The following PTPRS variants were observed in gnomAD, a reference collection of about 807,000 sequenced individuals.
PTPRS encodes protein tyrosine phosphatase receptor type S, also known as receptor-type tyrosine-protein phosphatase S.
Under a neutral mutation model 215.3 loss-of-function variants are expected in PTPRS, and 63 were observed. The observed-to-expected ratio is 0.29, with a 90% CI of 0.24 to 0.36. The LOEUF is 0.36. Among genes scored for constraint, PTPRS ranks in the 10% least tolerant of loss-of-function variants. The pLI, the probability that PTPRS is intolerant of heterozygous loss-of-function variation, is 1.00. For synonymous variants in PTPRS, 1,404 were observed against 1,191.4 expected, an observed-to-expected ratio of 1.18 and a Z score of -3.68; for missense variants, 2,258 against 2,825.8, an observed-to-expected ratio of 0.80 and a Z score of 4.56.
intron 4 of PTPRS, chr19:5,273,034 C>A: frequency 3.8e-6 from 1 of 261,154 alleles, no homozygotes; most frequent in East Asian, 1.0e-4. Flanking sequence ...CAGAAGGAAA[C>A]AAAGCCAAGA....
chr19:5,266,339 G>A (rs187662186), intron 4 of PTPRS, among the ~76,000 whole-genome samples: 91 of 152,106 alleles, frequency 6.0e-4, no homozygotes, highest in African/African-American at 2.1e-3. Context: ...GATTGGTCTC[G>A]ACCTCCTGGG....
At position 5,218,565 on chromosome 19, in the gene PTPRS, G is replaced by A; in HGVS notation, c.3936-33C>T. The A allele has an allele frequency of 2.5e-6, 4 of 1,599,740 alleles. No individual in the cohort carries two copies. The South Asian group carries it at 3.3e-5, about 13-fold the overall frequency. Reference sequence around the variant, plus strand: ...AGAAGCAAGCGGAACAGTCCAGTTAGTAGTGGCACATGTTCATGTGTGAAC... The same window carrying A: ...AGAAGCAAGCGGAACAGTCCAGTTAATAGTGGCACATGTTCATGTGTGAAC... On this transcript the variant is annotated intron_variant, in intron 24 of 37. Coordinates refer to ENST00000262963, the MANE Select transcript of PTPRS (RefSeq NM_002850.4).
At chr19:5,330,746 G>A (rs565556328) in intron 1 of PTPRS, among the ~76,000 whole-genome samples, 1 of 152,326 alleles carries the variant, frequency 6.6e-6, no homozygotes, top group South Asian at 2.1e-4. Context: ...AACCTGGGGC[G>A]TTCAGACCCC....
At chr19:5,220,931 T>C in intron 20 of PTPRS, 69 bp downstream of exon 20, 2 of 1,522,412 alleles carry the variant, frequency 1.3e-6, no homozygotes, top group Non-Finnish European at 1.8e-6. Flanking sequence ...AGAGGGCACG[T>C]GGCTTGCCCC....
chr19:5,211,412 C>G (rs538427330), intron 33 of PTPRS, among the ~76,000 whole-genome samples, 178 bp downstream of exon 33: 2 of 152,156 alleles, frequency 1.3e-5, no homozygotes, highest in Admixed American at 6.5e-5. Context: ...CAGTTAAACA[C>G]ACACCCAAAG....
chr19:5,244,405 T>G lies in PTPRS; in HGVS notation c.1066A>C (p.Asn356His). The change falls in exon 11 of 38, where the codon AAC becomes CAC. Residue 356 changes from asparagine to histidine, a missense_variant. By Grantham distance (68) the Asn-to-His change is moderately conservative. Around this residue, in one of 6 missense-constraint regions of PTPRS, gnomAD observed 508 missense variants for 799.4 expected, o/e 0.64. Transcript: ENST00000262963. This position sits in a 1 kb window ranked among gnomAD's most constrained non-coding sequence, Gnocchi z 7.2. The stretch of plus-strand genomic sequence containing the variant: ...ACGTAATAGGACACAGGATCTGGGT[T>G]GCCCGAGTCCCACGTGATGGTGATG... ...TSITITWDSGNPDPVSYYVIE... is the reference protein window; with the variant it reads ...TSITITWDSGHPDPVSYYVIE... 1 of 1,614,186 alleles carries G rather than the reference T, an allele frequency of 6.2e-7. No homozygotes were observed. Among genetic ancestry groups the G allele is most frequent in the Non-Finnish European group, 8.5e-7 (1 of 1,180,044 alleles).
chr19:5,224,248 C>A (rs1167258617), intron 17 of PTPRS, among the ~76,000 whole-genome samples: 1 of 152,268 alleles, frequency 6.6e-6, no homozygotes, highest in Non-Finnish European at 1.5e-5. Flanking sequence ...AGAGAGGGAA[C>A]CACGAGAAGA....
chr19:5,280,950 C>G (rs1249970823), intron 2 of PTPRS, among the ~76,000 whole-genome samples: 2 of 151,788 alleles, frequency 1.3e-5, no homozygotes, highest in Non-Finnish European at 2.9e-5. Context: ...CACCACAACA[C>G]CCAGCTGATT....
intron 2 of PTPRS, among the ~76,000 whole-genome samples, chr19:5,284,537 C>T (rs1419882250): frequency 6.6e-6 from 1 of 152,076 alleles, no homozygotes; most frequent in East Asian, 1.9e-4. Context: ...GTTGCCCAGG[C>T]TGAGTGCAGC....
chr19:5,270,897 G>A (rs978084544), intron 4 of PTPRS, among the ~76,000 whole-genome samples: 8 of 152,060 alleles, frequency 5.3e-5, no homozygotes, highest in Non-Finnish European at 1.2e-4. Context: ...CACTTGCCTC[G>A]GCCTCCCAAA....
chr19:5,307,045 C>T (rs1341148468), intron 1 of PTPRS, among the ~76,000 whole-genome samples: 7 of 152,210 alleles, frequency 4.6e-5, no homozygotes, highest in African/African-American at 1.7e-4. Context: ...TGGCTCACGC[C>T]TGCAATCCCA....
chr19:5,229,611 C>A lies in PTPRS; in HGVS notation c.2229G>T (p.Ser743=). 2.1e-6 allele frequency: 3 copies of A among 1,417,144 alleles called. No individual in the cohort carries two copies. Among genetic ancestry groups the A allele is most frequent in the South Asian group, 1.5e-5 (1 of 68,442 alleles). 87.8% of individuals were successfully genotyped at this position (1,417,144 alleles called of 1,614,324 possible). The part of the protein sequence containing the change: ...NATAIRVLWR[S]PAPGRQHGQI... ...GGCCGTGCTGCCGGCCGGGCGCGGG[C>A]GAGCGCCACAGCACGCGGATGGCCG... The change falls in exon 15 of 38, where the codon TCG becomes TCT. Residue 743 remains serine, a synonymous_variant. Transcript: ENST00000262963.
At chr19:5,260,567 G>C (rs1215790096) in intron 7 of PTPRS, among the ~76,000 whole-genome samples, 1 of 152,230 alleles carries the variant, frequency 6.6e-6, no homozygotes, top group Admixed American at 6.5e-5. Context: ...CAGAGGGGGA[G>C]AGAGCGCCCC....
At chr19:5,214,320 A>G (rs1262968989) in intron 30 of PTPRS, 41 bp downstream of exon 30, 1 of 1,613,400 alleles carries the variant, frequency 6.2e-7, no homozygotes, top group Non-Finnish European at 8.5e-7. Flanking sequence ...CTTCCAACAC[A>G]TTCCTCCACC....
rs569941252 is a variant in PTPRS at position 5,238,418 on chromosome 19, G to C, written c.1849+501C>G. Among the ~76,000 whole-genome samples, 10 of 152,244 alleles carry C rather than the reference G, an allele frequency of 6.6e-5. 1 individual carries two copies. The highest frequency in any genetic ancestry group is 2.0e-4 in the Admixed American group (3 of 15,294). ...AACTGGGACCTCGTCCTGGGGTCTTGAGAGCCAAGGCTCCCTGCCCGGGGG... is the reference window on the plus strand; with the variant it reads ...AACTGGGACCTCGTCCTGGGGTCTTCAGAGCCAAGGCTCCCTGCCCGGGGG... On this transcript the variant is annotated intron_variant, in intron 13 of 37. Coordinates refer to ENST00000262963, the MANE Select transcript of PTPRS (RefSeq NM_002850.4).
intron 23 of PTPRS, 110 bp from the exon 24 acceptor site, chr19:5,218,908 T>C (rs1381585747): frequency 5.1e-6 from 6 of 1,181,250 alleles, no homozygotes; most frequent in Non-Finnish European, 6.0e-6. Context: ...CCTTAACCTC[T>C]GTGAGCTTTG....
intron 1 of PTPRS, among the ~76,000 whole-genome samples, chr19:5,301,437 T>G (rs764540317): frequency 6.6e-6 from 1 of 150,618 alleles, no homozygotes; most frequent in Non-Finnish European, 1.5e-5. Flanking sequence ...TGCCTCAGCC[T>G]CCCGATTAGC....
intron 1 of PTPRS, among the ~76,000 whole-genome samples, chr19:5,320,366 T>A (rs2049993632): frequency 6.6e-6 from 1 of 152,214 alleles, no homozygotes; most frequent in South Asian, 2.1e-4. Flanking sequence ...TCCACTTGGC[T>A]TATCCGGCTC....
intron 1 of PTPRS, among the ~76,000 whole-genome samples, chr19:5,332,802 G>C (rs189503191): frequency 6.6e-6 from 1 of 152,362 alleles, no homozygotes; most frequent in Non-Finnish European, 1.5e-5. Context: ...TGTTGATCCT[G>C]ATGTTGGCAG....
Sources: gnomAD v4.1 joint callset for allele counts (sites outside exome capture counted in the v4.1 genomes callset) on GRCh38, gnomAD v4.1.1 for gene constraint, gnomAD v4.1.1 regional missense constraint, Gnocchi (gnomAD v3.1) non-coding constraint, MANE v1.5 for transcripts, NCBI Gene and HGNC (gene_info 2026-07-23, HGNC 2026-07-21) for gene names.